FRYL: variants seen among roughly 807,000 people sequenced by gnomAD.
FRYL encodes protein furry homolog-like.
A neutral mutation model predicts 351.2 loss-of-function variants in FRYL; 150 were observed. That is an observed-to-expected ratio of 0.43 (90% confidence interval 0.37 to 0.49). The LOEUF is 0.49. Ranked by LOEUF, FRYL falls within the 20% of genes least tolerant of loss-of-function variation. The probability of loss-of-function intolerance (pLI) is 0.00; values close to 1 mark genes in which losing one functional copy is unlikely to be tolerated. For missense variants in FRYL, 3,036 were observed against 3,619.3 expected (o/e 0.84, Z 4.13); for synonymous variants, 1,153 against 1,257.1 (o/e 0.92, Z 1.75).
chr4:48,697,942 T>C (rs1167907333), intron 2 of FRYL, among the ~76,000 whole-genome samples: 2 of 152,196 alleles, frequency 1.3e-5, no homozygotes, highest in East Asian at 1.9e-4. Flanking sequence ...AAGGATACAA[T>C]TGAACCAATT....
chr4:48,511,116 C>A, intron 57 of FRYL, 132 bp from the exon 58 acceptor site: 1 of 531,032 alleles, frequency 1.9e-6, no homozygotes, highest in East Asian at 3.3e-5. Context: ...AATCATTGAT[C>A]TATAAATCCA....
chr4:48,624,955 C>T (rs186959626), intron 4 of FRYL, among the ~76,000 whole-genome samples: 198 of 152,236 alleles, frequency 1.3e-3, no homozygotes, highest in Non-Finnish European at 2.6e-3. Flanking sequence ...AGTGAAACAT[C>T]GGTTCTTCTT....
At position 48,600,841 on chromosome 4, in the gene FRYL, G is replaced by A. The variant is rs556717989; in HGVS notation, c.1035+1179C>T. 3.3e-5 allele frequency among the ~76,000 whole-genome samples: 5 copies of A among 152,164 alleles called. No individual in the cohort carries two copies. The South Asian group carries it at 1.0e-3, about 32-fold the overall frequency. ...ATTAAATAAAATTTATTTCCTGGTT[G>A]CATGACATAAAGAGTTCAATCAGTT... On this transcript the variant is annotated intron_variant, in intron 13 of 63. Transcript: ENST00000358350.
intron 7 of FRYL, among the ~76,000 whole-genome samples, chr4:48,611,871 G>A (rs1748278778): frequency 6.6e-6 from 1 of 152,034 alleles, no homozygotes; most frequent in Admixed American, 6.5e-5. Context: ...CCTACTTGAT[G>A]GGAAAAAGAT....
intron 6 of FRYL, among the ~76,000 whole-genome samples, chr4:48,620,133 G>A (rs1234664284): frequency 6.6e-6 from 1 of 152,162 alleles, no homozygotes; most frequent in Non-Finnish European, 1.5e-5. Context: ...ACAATCACCT[G>A]AACACACGTG....
chr4:48,644,475 G>A (rs1356213180), intron 3 of FRYL, among the ~76,000 whole-genome samples: 4 of 131,730 alleles, frequency 3.0e-5, no homozygotes, highest in African/African-American at 1.1e-4. Context: ...GTAGACATAA[G>A]TGTAGATAAA....
chr4:48,571,630 C>A, intron 26 of FRYL: 1 of 984,716 alleles, frequency 1.0e-6, no homozygotes, highest in African/African-American at 1.7e-5. Flanking sequence ...TGTCCATGAC[C>A]CAATTTTTCT....
At position 48,741,539 on chromosome 4, in the gene FRYL, G is replaced by GA. The variant is rs549733490; in HGVS notation, c.-383-30842dup. 4.8e-3 allele frequency among the ~76,000 whole-genome samples: 724 copies of GA among 151,386 alleles called. 3 individuals are homozygous for GA. The highest frequency in any genetic ancestry group is 0.017 in the African/African-American group (691 of 41,240). Reference sequence around the variant, plus strand: ...TGGGCAGCAGAGAGGGATTCTGTCTGAAAAAAAAGAAAAATTAGCCAGGCA... The same window carrying GA: ...TGGGCAGCAGAGAGGGATTCTGTCTGAAAAAAAAAGAAAAATTAGCCAGGCA... On this transcript the variant is annotated intron_variant, in intron 1 of 63. Transcript: ENST00000358350.
rs1198781130 is a variant in FRYL at position 48,634,383 on chromosome 4, C to T, written c.28G>A (p.Val10Ile). The change falls in exon 4 of 64, where the codon GTC (valine) becomes ATC (isoleucine). Residue 10 changes from valine to isoleucine, a missense_variant. Coordinates refer to ENST00000358350, the MANE Select transcript of FRYL (RefSeq NM_015030.2). The stretch of plus-strand genomic sequence containing the variant: ...TTGATGACATATTCACCAGGTTTGA[C>T]ATCTGGGTCAATCGTAATGTTTGAC... MSNITIDPDVKPGEYVIKSL... is the reference protein window; with the variant it reads MSNITIDPDIKPGEYVIKSL... 1.9e-6 allele frequency: 3 copies of T among 1,613,284 alleles called. No homozygotes were observed. Among genetic ancestry groups the T allele is most frequent in the South Asian group, 2.2e-5 (2 of 91,072 alleles).
In FRYL at chr4:48,543,878, T is replaced by TGAGA; in HGVS notation, c.5517_5520dup (p.Thr1841SerfsTer8). On this transcript the variant is annotated frameshift_variant, in exon 44 of 64. Transcript: ENST00000358350. LOFTEE classifies it high-confidence loss of function. ...AGAACATCAGAAAGTGTAGTTGCAG[T>TGAGA]GAGAGGCTGCTTTAGGGCCCTGAAA... is the stretch of plus-strand genomic sequence containing the variant. 6.2e-7 allele frequency: 1 copy of TGAGA among 1,613,922 alleles called. No homozygotes were observed. Among genetic ancestry groups the TGAGA allele is most frequent in the Non-Finnish European group, 8.5e-7 (1 of 1,179,848 alleles).
At chr4:48,532,488 T>C (rs1727882548) in intron 49 of FRYL, among the ~76,000 whole-genome samples, 1 of 152,108 alleles carries the variant, frequency 6.6e-6, no homozygotes, top group African/African-American at 2.4e-5. Context: ...TGAAACCCCA[T>C]CTCTACTAAA....
Position 48,627,771 on chromosome 4 carries a change from G to C in FRYL, c.121-4592C>G, listed in dbSNP as rs1560744824. Among the ~76,000 whole-genome samples, 11 of 152,188 alleles carry C rather than the reference G, an allele frequency of 7.2e-5. No individual in the cohort carries two copies. In the South Asian group the frequency reaches 2.1e-3, roughly 29 times the overall value. ...TAATGCTTGCTCAAGTAGATGTACT[G>C]TGTTTCAATATGTAAGTTTTTTTAT... On this transcript the variant is annotated intron_variant, in intron 4 of 63. Transcript: ENST00000358350.
intron 18 of FRYL, among the ~76,000 whole-genome samples, chr4:48,588,244 G>A (rs373435429): frequency 1.6e-4 from 25 of 152,310 alleles, no homozygotes; most frequent in African/African-American, 5.5e-4. Context: ...CAAAGAGGAA[G>A]TACCACAAAG....
At chr4:48,609,859 T>C in intron 7 of FRYL, 36 bp from the exon 8 acceptor site, 1 of 1,183,524 alleles carries the variant, frequency 8.4e-7, no homozygotes, top group Non-Finnish European at 1.2e-6. Flanking sequence ...AAGAGTTAAA[T>C]TATTGGTTTT....
rs140443013 is a variant in FRYL, at chr4:48,666,383, GTAAA to G, written c.-81+18286_-81+18289del. On this transcript the variant is annotated intron_variant, in intron 3 of 63. Coordinates refer to ENST00000358350, the MANE Select transcript of FRYL (RefSeq NM_015030.2). ...CTCAGTCTCAAAAAATAAATAAAAAGTAAATAAATAAATAAATAAATAAATAAAT... is the reference window on the plus strand; with the variant it reads ...CTCAGTCTCAAAAAATAAATAAAAAGTAAATAAATAAATAAATAAATAAAT... Among the ~76,000 whole-genome samples, 1,230 of 150,116 alleles carry G rather than the reference GTAAA, an allele frequency of 8.2e-3. 8 individuals are homozygous for G. Among genetic ancestry groups the G allele is most frequent in the African/African-American group, 0.022 (902 of 40,618 alleles).
At chr4:48,666,467 A>C (rs1761736143) in intron 3 of FRYL, among the ~76,000 whole-genome samples, 1 of 152,148 alleles carries the variant, frequency 6.6e-6, no homozygotes, top group Non-Finnish European at 1.5e-5. Context: ...TCATCCAGTA[A>C]AATTCAATGG....
intron 33 of FRYL, among the ~76,000 whole-genome samples, chr4:48,559,520 T>A (rs777856350): frequency 1.5e-5 from 1 of 66,738 alleles, no homozygotes; most frequent in African/African-American, 6.3e-5. Context: ...AGCCAGATCC[T>A]CTCTCTCCAA....
At chr4:48,597,057 CA>C (rs1225105285) in intron 13 of FRYL, among the ~76,000 whole-genome samples, 1 of 152,036 alleles carries the variant, frequency 6.6e-6, no homozygotes, top group Non-Finnish European at 1.5e-5. Flanking sequence ...ATAATGATCC[CA>C]AATTTCAAAT....
intron 1 of FRYL, among the ~76,000 whole-genome samples, chr4:48,724,887 G>A (rs1769911992): frequency 6.6e-6 from 1 of 152,186 alleles, no homozygotes; most frequent in African/African-American, 2.4e-5. Context: ...CATCCATGTT[G>A]AGATGGAACC....
Sources: allele counts gnomAD v4.1 joint callset (sites outside exome capture counted in the v4.1 genomes callset), GRCh38; gene constraint gnomAD v4.1.1; transcripts MANE v1.5; gene names NCBI Gene and HGNC (gene_info 2026-07-23, HGNC 2026-07-21).